CDH8: variants seen among roughly 807,000 people sequenced by gnomAD.
CDH8 encodes cadherin 8.
A neutral mutation model predicts 68.1 loss-of-function variants in CDH8; 17 were observed. The observed-to-expected ratio is 0.25, with a 90% CI of 0.17 to 0.37. CDH8 has a LOEUF of 0.37. Ranked by LOEUF, CDH8 falls within the 10% of genes least tolerant of loss-of-function variation. The pLI is 1.00. For synonymous variants in CDH8, 372 were observed against 365.1 expected (o/e 1.02, Z -0.21); for missense variants, 763 against 999.3 (o/e 0.76, Z 3.19).
chr16:61,660,759 A>G (rs567097292), intron 10 of CDH8, among the ~76,000 whole-genome samples: 1 of 152,208 alleles, frequency 6.6e-6, no homozygotes, highest in African/African-American at 2.4e-5. Flanking sequence ...CGGACGTGGG[A>G]TAACATATTC....
intron 4 of CDH8, among the ~76,000 whole-genome samples, chr16:61,854,082 GTA>G (rs543905684): frequency 1.3e-4 from 19 of 150,956 alleles, no homozygotes; most frequent in Non-Finnish European, 1.8e-4. Flanking sequence ...GAATATACAT[GTA>G]TATATGTTTA....
chr16:61,859,093 T>TA (rs1338306293), intron 3 of CDH8, among the ~76,000 whole-genome samples: 4 of 152,142 alleles, frequency 2.6e-5, no homozygotes, highest in Non-Finnish European at 5.9e-5. Flanking sequence ...GAGCAGTTGA[T>TA]AGTCCTGTAA....
chr16:61,701,496 C>T (rs1236862778), intron 10 of CDH8, among the ~76,000 whole-genome samples: 1 of 151,954 alleles, frequency 6.6e-6, no homozygotes, highest in Non-Finnish European at 1.5e-5. Flanking sequence ...CATCTGTGTT[C>T]TTTTTGTCTT....
intron 8 of CDH8, among the ~76,000 whole-genome samples, chr16:61,769,881 T>G (rs1454176685): frequency 6.6e-6 from 1 of 151,908 alleles, no homozygotes; most frequent in Non-Finnish European, 1.5e-5. Flanking sequence ...ATGTGATTCC[T>G]GGATTTTTTA....
intron 2 of CDH8, among the ~76,000 whole-genome samples, chr16:61,988,661 C>T (rs1025299839): frequency 3.3e-5 from 5 of 152,130 alleles, no homozygotes; most frequent in Admixed American, 6.5e-5. Context: ...AAACACAAAA[C>T]CTACCAAATT....
rs114968724 is a variant in CDH8, at chr16:61,991,563, C to T, written c.252+29589G>A. ...ATTTGGAGGCAGATGGAGAATACATCGTCATCTACTTTACAGGTGTGAAAC... is the reference window on the plus strand; with the variant it reads ...ATTTGGAGGCAGATGGAGAATACATTGTCATCTACTTTACAGGTGTGAAAC... On this transcript the variant is annotated intron_variant, in intron 2 of 11. Transcript: ENST00000577390. 7.1e-3 allele frequency among the ~76,000 whole-genome samples: 1,076 copies of T among 152,262 alleles called. 2 individuals are homozygous for T. The highest frequency in any genetic ancestry group is 0.027 in the Middle Eastern group (8 of 294).
At chr16:61,894,794 C>G (rs1373492330) in intron 3 of CDH8, among the ~76,000 whole-genome samples, 2 of 152,140 alleles carry the variant, frequency 1.3e-5, no homozygotes, top group African/African-American at 4.8e-5. Flanking sequence ...CCATCATATA[C>G]TGACTTCTAT....
At chr16:61,958,038 T>A (rs1449178895) in intron 2 of CDH8, among the ~76,000 whole-genome samples, 6 of 152,212 alleles carry the variant, frequency 3.9e-5, no homozygotes, top group Non-Finnish European at 5.9e-5. Flanking sequence ...TTACAGGCCA[T>A]TCTAGGGACT....
At chr16:61,750,863 T>C (rs1198189875) in intron 8 of CDH8, among the ~76,000 whole-genome samples, 1 of 152,120 alleles carries the variant, frequency 6.6e-6, no homozygotes, top group Non-Finnish European at 1.5e-5. Flanking sequence ...ATAAAAAGAT[T>C]CCATAGCTTT....
rs1181394965 is a variant in CDH8, at chr16:61,959,984, GTATATATA to G, written c.253-58519_253-58512del. 1.6e-3 allele frequency among the ~76,000 whole-genome samples: 70 copies of G among 44,538 alleles called. 10 individuals are homozygous for G. The highest frequency in any genetic ancestry group is 4.6e-3 in the East Asian group (4 of 878). The allele number at this position is 44,538 out of a possible 152,430, so 29.2% of individuals were successfully genotyped here. A position where few individuals can be genotyped will look rare whatever the true frequency, so the allele number is the denominator to read the frequency against. ...GTATGTGGTGTATGTGTGTGTGTGT[GTATATATA>G]TATATATATATATATATATATATAC... On this transcript the variant is annotated intron_variant, in intron 2 of 11. Transcript: ENST00000577390.
At chr16:61,776,533 A>C (rs1447314254) in intron 8 of CDH8, among the ~76,000 whole-genome samples, 3 of 152,114 alleles carry the variant, frequency 2.0e-5, no homozygotes, top group Non-Finnish European at 1.5e-5. Context: ...AGATGCTCCT[A>C]TTAATATATA....
intron 2 of CDH8, among the ~76,000 whole-genome samples, chr16:61,926,628 G>A (rs1964460986): frequency 6.6e-6 from 1 of 152,208 alleles, no homozygotes; most frequent in African/African-American, 2.4e-5. Flanking sequence ...TGTTGTCTGT[G>A]CAACAGAGAC....
intron 10 of CDH8, among the ~76,000 whole-genome samples, chr16:61,695,418 T>C (rs1964306368): frequency 6.6e-6 from 1 of 152,212 alleles, no homozygotes; most frequent in Non-Finnish European, 1.5e-5. Flanking sequence ...TTTATCAGTT[T>C]TACTTGGGCC....
intron 2 of CDH8, among the ~76,000 whole-genome samples, chr16:62,003,502 G>A (rs556152527): frequency 6.6e-6 from 1 of 151,364 alleles, no homozygotes; most frequent in African/African-American, 2.4e-5. Flanking sequence ...TTTTATACTT[G>A]TATGCGTGAA....
chr16:61,767,256 A>G (rs1285637976), intron 8 of CDH8, among the ~76,000 whole-genome samples: 4 of 151,982 alleles, frequency 2.6e-5, no homozygotes, highest in Non-Finnish European at 5.9e-5. Context: ...CACAGTTTGT[A>G]TCACTAGAAT....
chr16:61,657,306 A>T lies in CDH8; in HGVS notation c.1655-1585T>A, dbSNP rs1217404376. ...AATTGATAGCCATTCTCCAAAATGG[A>T]TATATAGTTATATTTAATTTTGCTT... On this transcript the variant is annotated intron_variant, in intron 10 of 11. Transcript: ENST00000577390. Among the ~76,000 whole-genome samples the T allele has an allele frequency of 2.6e-5, 4 of 152,262 alleles. No individual in the cohort carries two copies. In the East Asian group the frequency reaches 7.7e-4, roughly 29 times the overall value.
chr16:61,683,818 A>C (rs1047309652), intron 10 of CDH8, among the ~76,000 whole-genome samples: 2 of 152,050 alleles, frequency 1.3e-5, no homozygotes, highest in Admixed American at 1.3e-4. Flanking sequence ...GCATTATTTC[A>C]ATCACCTTCA....
intron 2 of CDH8, among the ~76,000 whole-genome samples, chr16:61,961,834 A>G (rs1382502416): frequency 6.6e-6 from 1 of 152,226 alleles, no homozygotes; most frequent in East Asian, 1.9e-4. Context: ...GAGCAATACA[A>G]GTACAGTTGA....
intron 7 of CDH8, among the ~76,000 whole-genome samples, chr16:61,796,443 C>T (rs1437568312): frequency 1.3e-5 from 2 of 151,956 alleles, no homozygotes; most frequent in Non-Finnish European, 2.9e-5. Flanking sequence ...TAAGAAGAAA[C>T]TTCTCATTAA....
Sources: gnomAD v4.1 joint callset for allele counts (sites outside exome capture counted in the v4.1 genomes callset) on GRCh38, gnomAD v4.1.1 for gene constraint, MANE v1.5 for transcripts, NCBI Gene and HGNC (gene_info 2026-07-23, HGNC 2026-07-21) for gene names.